Variants in ADAMTS19 observed in about 807,000 individuals in gnomAD.
ADAMTS19 encodes A disintegrin and metalloproteinase with thrombospondin motifs 19.
ADAMTS19 carries 93 observed loss-of-function variants against 153.3 expected under a neutral mutation model. That is an observed-to-expected ratio of 0.61 (90% CI 0.51 to 0.72). The LOEUF is 0.72. ADAMTS19 is among the 30% of genes least tolerant of loss of function. The pLI is 0.00. For missense variants in ADAMTS19, 1,482 were observed against 1,552.1 expected (o/e 0.95, Z 0.76); for synonymous variants, 600 against 556.6 (o/e 1.08, Z -1.10).
At chr5:129,603,637 A>G (rs935039622) in intron 8 of ADAMTS19, among the ~76,000 whole-genome samples, 3 of 152,148 alleles carry the variant, frequency 2.0e-5, no homozygotes, top group African/African-American at 7.2e-5. Flanking sequence ...ATTTTAATAT[A>G]CCTATTAATA....
chr5:129,644,020 T>C (rs1245055709), intron 11 of ADAMTS19, among the ~76,000 whole-genome samples: 1 of 152,002 alleles, frequency 6.6e-6, no homozygotes, highest in Non-Finnish European at 1.5e-5. Flanking sequence ...TTTATTTTTA[T>C]ATCTGGCACC....
chr5:129,491,550 C>T (rs1342804430), intron 2 of ADAMTS19, among the ~76,000 whole-genome samples: 3 of 152,208 alleles, frequency 2.0e-5, no homozygotes, highest in Middle Eastern at 3.4e-3. Context: ...TCCTTCTACT[C>T]GATTAACTTT....
At chr5:129,700,902 TAA>T (rs369893784) in intron 19 of ADAMTS19, among the ~76,000 whole-genome samples, 1 of 143,642 alleles carries the variant, frequency 7.0e-6, no homozygotes. Context: ...TGTGTTTGGT[TAA>T]AAAAAAAAAG....
chr5:129,590,292 G>T (rs1215643117), intron 7 of ADAMTS19, among the ~76,000 whole-genome samples: 1 of 151,936 alleles, frequency 6.6e-6, no homozygotes, highest in Non-Finnish European at 1.5e-5. Context: ...TTGCACCTGG[G>T]AATTATCTTT....
chr5:129,684,299 T>G (rs1295887283), intron 18 of ADAMTS19, 26 bp downstream of exon 18: 1 of 1,610,810 alleles, frequency 6.2e-7, no homozygotes, highest in Non-Finnish European at 8.5e-7. Flanking sequence ...ACATTTATCT[T>G]TCCAAAACAT....
intron 21 of ADAMTS19, among the ~76,000 whole-genome samples, chr5:129,719,528 G>A (rs1756882336): frequency 6.6e-6 from 1 of 152,144 alleles, no homozygotes; most frequent in Non-Finnish European, 1.5e-5. Flanking sequence ...GATTCTCCAT[G>A]TATAAAACTA....
At chr5:129,720,211 A>C (rs1456673896) in intron 21 of ADAMTS19, among the ~76,000 whole-genome samples, 18 of 147,520 alleles carry the variant, frequency 1.2e-4, no homozygotes, top group African/African-American at 4.6e-4. Context: ...TTGCTCTGTC[A>C]CCCAGGCTGG....
At chr5:129,628,939 A>G (rs1052974512) in intron 10 of ADAMTS19, among the ~76,000 whole-genome samples, 2 of 152,076 alleles carry the variant, frequency 1.3e-5, no homozygotes, top group South Asian at 2.1e-4. Flanking sequence ...ACATTGCCTA[A>G]TGACACATTT....
intron 16 of ADAMTS19, 137 bp downstream of exon 16, chr5:129,665,716 A>G: frequency 1.6e-6 from 1 of 616,218 alleles, no homozygotes; most frequent in East Asian, 3.5e-5. Context: ...TTGTCATATC[A>G]AGTAGGAAAA....
intron 21 of ADAMTS19, among the ~76,000 whole-genome samples, chr5:129,725,478 G>C (rs246243): frequency 0.94 from 143,358 of 152,076 alleles, 67,681 homozygotes; most frequent in East Asian, 1. Context: ...GGTCATATAC[G>C]AGTTAAACTC....
In ADAMTS19 at chr5:129,581,506, T is replaced by C. The variant is rs1258050140; in HGVS notation, c.1373-15053T>C. ...TCTTCTCTCTTTTCTTCTTTCTTTATCTGGCTAGTGGTCTATATATTTTGA... is the reference window on the plus strand; with the variant it reads ...TCTTCTCTCTTTTCTTCTTTCTTTACCTGGCTAGTGGTCTATATATTTTGA... On this transcript the variant is annotated intron_variant, in intron 7 of 22. Coordinates refer to ENST00000274487, the MANE Select transcript of ADAMTS19 (RefSeq NM_133638.6). Among the ~76,000 whole-genome samples, 3 of 152,152 alleles carry C rather than the reference T, an allele frequency of 2.0e-5. No homozygotes were observed. The East Asian group carries it at 5.8e-4, about 29-fold the overall frequency.
At chr5:129,485,942 C>G (rs1750576527) in intron 2 of ADAMTS19, among the ~76,000 whole-genome samples, 1 of 152,038 alleles carries the variant, frequency 6.6e-6, no homozygotes, top group African/African-American at 2.4e-5. Context: ...AGACGCCCAC[C>G]ACCACGCCTG....
intron 15 of ADAMTS19, among the ~76,000 whole-genome samples, chr5:129,663,086 G>A (rs1753888652): frequency 6.6e-6 from 1 of 151,850 alleles, no homozygotes; most frequent in Admixed American, 6.6e-5. Context: ...AGTAGAGACG[G>A]GGTTTCACTG....
intron 2 of ADAMTS19, among the ~76,000 whole-genome samples, chr5:129,505,092 A>C (rs1751229607): frequency 6.6e-6 from 1 of 152,224 alleles, no homozygotes; most frequent in Admixed American, 6.5e-5. Flanking sequence ...TTTTATCACG[A>C]CTGTTACAAT....
intron 7 of ADAMTS19, among the ~76,000 whole-genome samples, chr5:129,595,151 G>T (rs1581125236): frequency 6.6e-6 from 1 of 151,942 alleles, no homozygotes; most frequent in African/African-American, 2.4e-5. Flanking sequence ...TTCCTGATAG[G>T]CCTGTGGATA....
At chr5:129,499,803 G>A (rs1438624078) in intron 2 of ADAMTS19, among the ~76,000 whole-genome samples, 1 of 152,042 alleles carries the variant, frequency 6.6e-6, no homozygotes, top group Non-Finnish European at 1.5e-5. Flanking sequence ...AATGCCCCTG[G>A]GTTTCTTTCT....
At chr5:129,501,510 T>G (rs1751107412) in intron 2 of ADAMTS19, among the ~76,000 whole-genome samples, 1 of 152,170 alleles carries the variant, frequency 6.6e-6, no homozygotes. Flanking sequence ...GTCCAAACCC[T>G]TAGTGTACAA....
At chr5:129,673,871 C>T (rs540566960) in intron 16 of ADAMTS19, among the ~76,000 whole-genome samples, 1 of 152,046 alleles carries the variant, frequency 6.6e-6, no homozygotes, top group Non-Finnish European at 1.5e-5. Context: ...TGTAAATGAC[C>T]TTTAAAAACA....
rs1055032394 is a variant in ADAMTS19 at position 129,734,952 on chromosome 5, A to G, written c.3333A>G (p.Lys1111=). The G allele has an allele frequency of 6.3e-7, 1 of 1,586,022 alleles. No individual in the cohort carries two copies. Among genetic ancestry groups the G allele is most frequent in the South Asian group, 1.2e-5 (1 of 85,356 alleles). Residue 1111 remains lysine, a synonymous_variant, in exon 22 of 23, where the codon AAA becomes AAG. Transcript: ENST00000274487. ...DWSKCSITCG[K]GMQSRVIQCM... is the part of the protein sequence containing the mutation. ...CCTAGTGCTCAATTACCTGTGGCAA[A>G]GGAATGCAGTCCCGTGTAATCCAAT...
Sources: allele counts gnomAD v4.1 joint callset (sites outside exome capture counted in the v4.1 genomes callset), GRCh38; gene constraint gnomAD v4.1.1; transcripts MANE v1.5; gene names NCBI Gene and HGNC (gene_info 2026-07-23, HGNC 2026-07-21).